The following RFTN1 variants were observed in gnomAD, a reference collection of about 807,000 sequenced individuals.
RFTN1 encodes the protein raftlin.
In RFTN1, 26 loss-of-function variants were observed where a neutral mutation model predicts 46.5. The ratio of observed to expected loss-of-function variants is 0.56; its 90% confidence interval spans 0.41 to 0.78. The LOEUF is 0.78. Ranked by LOEUF, RFTN1 falls within the 30% of genes least tolerant of loss-of-function variation. RFTN1 has a pLI of 0.00. For synonymous variants in RFTN1, 261 were observed against 284.2 expected (o/e 0.92, Z 0.82); for missense variants, 693 against 718.7 (o/e 0.96, Z 0.41).
intron 1 of RFTN1, 149 bp from the exon 2 acceptor site, chr3:16,494,026 C>T: frequency 2.3e-6 from 2 of 856,664 alleles, no homozygotes; most frequent in Admixed American, 5.2e-5. Context: ...TAATATAGGA[C>T]CTGAACACAG....
chr3:16,372,396 C>G (rs924853102), intron 5 of RFTN1, among the ~76,000 whole-genome samples: 1 of 152,144 alleles, frequency 6.6e-6, no homozygotes. Context: ...GGCCCATTCC[C>G]GAGAATGGCT....
chr3:16,416,304 AT>A (rs1251885379), intron 3 of RFTN1: 2 of 416,488 alleles, frequency 4.8e-6, no homozygotes, highest in African/African-American at 4.1e-5. Flanking sequence ...AGTGGTTCTG[AT>A]TGCTGGAGGC....
Position 16,428,829 on chromosome 3 carries a change from C to A in RFTN1, c.332+5022G>T, listed in dbSNP as rs574787618. On this transcript the variant is annotated intron_variant, in intron 3 of 9. Coordinates refer to ENST00000334133, the MANE Select transcript of RFTN1 (RefSeq NM_015150.2). This position sits in a 1 kb window ranked among gnomAD's most constrained non-coding sequence, Gnocchi z 4.7. ...CACACTCATGAAACATCAGAAGTGACGTTTTAATAACTGACTTCTGTTAGC... is the reference window on the plus strand; with the variant it reads ...CACACTCATGAAACATCAGAAGTGAAGTTTTAATAACTGACTTCTGTTAGC... Among the ~76,000 whole-genome samples, 1 of 152,088 alleles carries A rather than the reference C, an allele frequency of 6.6e-6. No homozygotes were observed. The highest frequency in any genetic ancestry group is 1.5e-5 in the Non-Finnish European group (1 of 68,012).
chr3:16,369,893 AGAGCACAG>A (rs2073422888), intron 6 of RFTN1, among the ~76,000 whole-genome samples, 175 bp downstream of exon 6: 1 of 152,222 alleles, frequency 6.6e-6, no homozygotes, highest in Non-Finnish European at 1.5e-5. Flanking sequence ...AGAGGTTTTG[AGAGCACAG>A]GCCCTGGGCT....
rs993264620 is a variant in RFTN1, at chr3:16,422,795, G to A, written c.332+11056C>T. Among the ~76,000 whole-genome samples the A allele has an allele frequency of 6.6e-6, 1 of 152,136 alleles. No individual in the cohort carries two copies. Among genetic ancestry groups the A allele is most frequent in the Non-Finnish European group, 1.5e-5 (1 of 68,030 alleles). On this transcript the variant is annotated intron_variant, in intron 3 of 9. Coordinates refer to ENST00000334133, the MANE Select transcript of RFTN1 (RefSeq NM_015150.2). This position sits in a 1 kb window ranked among gnomAD's most constrained non-coding sequence, Gnocchi z 4.6. ...TATAGAAATCCTAACTATAATAAAG[G>A]TGGCATTTATTCAATGGCAAAGTTA... is the stretch of plus-strand genomic sequence containing the variant.
Position 16,334,717 on chromosome 3 carries a change from A to T in RFTN1, c.1147-7841T>A, listed in dbSNP as rs1370572150. Among the ~76,000 whole-genome samples, 1 of 152,216 alleles carries T rather than the reference A, an allele frequency of 6.6e-6. No homozygotes were observed. Among genetic ancestry groups the T allele is most frequent in the Non-Finnish European group, 1.5e-5 (1 of 68,024 alleles). On this transcript the variant is annotated intron_variant, in intron 7 of 9. Coordinates refer to ENST00000334133, the MANE Select transcript of RFTN1 (RefSeq NM_015150.2). The surrounding 1 kb of genome is among the most constrained non-coding windows in gnomAD (Gnocchi z 4.3). ...GAAACAGCCTGTGGTAGACAGAATA[A>T]TGGCCCCAAAGATGTCTACAGCCTA...
intron 6 of RFTN1, among the ~76,000 whole-genome samples, chr3:16,366,861 C>T (rs1295081900): frequency 2.0e-5 from 3 of 152,192 alleles, no homozygotes; most frequent in African/African-American, 7.2e-5. Flanking sequence ...TTGCCAGAGC[C>T]CACGGGCAGA....
intron 1 of RFTN1, among the ~76,000 whole-genome samples, chr3:16,497,033 T>A (rs2076636648): frequency 6.6e-6 from 1 of 152,134 alleles, no homozygotes; most frequent in Non-Finnish European, 1.5e-5. Flanking sequence ...GCAACACTCA[T>A]CTCCAGTGTT....
At position 16,489,789 on chromosome 3, in the gene RFTN1, T is replaced by A. The variant is rs1276766742; in HGVS notation, c.145+3936A>T. Reference sequence around the variant, plus strand: ...CGTGTGTAGTGGTGCATGCTTGGAATCCCAGATACTCAAGAGGCTGAGGCA... The same window carrying A: ...CGTGTGTAGTGGTGCATGCTTGGAAACCCAGATACTCAAGAGGCTGAGGCA... On this transcript the variant is annotated intron_variant, in intron 2 of 9. Coordinates refer to ENST00000334133, the MANE Select transcript of RFTN1 (RefSeq NM_015150.2). This position sits in a 1 kb window ranked among gnomAD's most constrained non-coding sequence, Gnocchi z 4.0. 6.6e-6 allele frequency among the ~76,000 whole-genome samples: 1 copy of A among 151,932 alleles called. No individual in the cohort carries two copies. The highest frequency in any genetic ancestry group is 1.5e-5 in the Non-Finnish European group (1 of 67,998).
chr3:16,477,074 T>C (rs577170397), intron 2 of RFTN1, among the ~76,000 whole-genome samples: 1 of 152,370 alleles, frequency 6.6e-6, no homozygotes, highest in African/African-American at 2.4e-5. Context: ...AAATGGCAAC[T>C]ATTACACTAT....
chr3:16,433,210 G>C lies in RFTN1; in HGVS notation c.332+641C>G, dbSNP rs1340659163. 6.7e-6 allele frequency among the ~76,000 whole-genome samples: 1 copy of C among 148,254 alleles called. No homozygotes were observed. ...TAAAAAAATTAATATTGTTCCTTTT[G>C]AAAGACTAACCCCACTTCTCTTTTC... On this transcript the variant is annotated intron_variant, in intron 3 of 9. Coordinates refer to ENST00000334133, the MANE Select transcript of RFTN1 (RefSeq NM_015150.2). This position sits in a 1 kb window ranked among gnomAD's most constrained non-coding sequence, Gnocchi z 4.4.
chr3:16,490,538 C>G (rs1162203279), intron 2 of RFTN1, among the ~76,000 whole-genome samples: 1 of 152,162 alleles, frequency 6.6e-6, no homozygotes, highest in Non-Finnish European at 1.5e-5. Context: ...CCAGGGGAAC[C>G]CCCTAAAGAG....
At chr3:16,478,219 C>T (rs535712219) in intron 2 of RFTN1, among the ~76,000 whole-genome samples, 2 of 152,266 alleles carry the variant, frequency 1.3e-5, no homozygotes, top group Admixed American at 1.3e-4. Context: ...TAATGTGACC[C>T]CTTTGTTATA....
chr3:16,416,074 G>T (rs561753228), intron 3 of RFTN1: 3 of 275,866 alleles, frequency 1.1e-5, no homozygotes, highest in Non-Finnish European at 2.2e-5. Flanking sequence ...ACTAAAAAGA[G>T]CTCTGACCCA....
At chr3:16,454,807 G>C (rs2075877638) in intron 2 of RFTN1, 1 of 984,978 alleles carries the variant, frequency 1.0e-6, no homozygotes, top group African/African-American at 1.7e-5. Flanking sequence ...GTCTCCCAGG[G>C]AAGGCAGGGA....
At chr3:16,369,265 C>T (rs1575154814) in intron 6 of RFTN1, among the ~76,000 whole-genome samples, 2 of 152,234 alleles carry the variant, frequency 1.3e-5, no homozygotes, top group South Asian at 4.1e-4. Flanking sequence ...AACAGCTCAA[C>T]AACAACACAC....
chr3:16,493,578 C>T (rs1029739237), intron 2 of RFTN1, 147 bp downstream of exon 2: 1 of 753,156 alleles, frequency 1.3e-6, no homozygotes, highest in Non-Finnish European at 2.1e-6. Context: ...ATCTGGATCT[C>T]TGTAAGCCGC....
At chr3:16,354,254 G>A (rs1449500989) in intron 7 of RFTN1, among the ~76,000 whole-genome samples, 2 of 152,178 alleles carry the variant, frequency 1.3e-5, no homozygotes, top group African/African-American at 4.8e-5. Context: ...CAGAGGAGGG[G>A]TCTTTCACCC....
intron 3 of RFTN1, among the ~76,000 whole-genome samples, chr3:16,423,460 G>A (rs2075231391): frequency 1.3e-5 from 2 of 152,190 alleles, no homozygotes; most frequent in Admixed American, 6.5e-5. Context: ...AACAATTAAA[G>A]AGGAATGCTA....
Sources: gnomAD v4.1 joint callset for allele counts (sites outside exome capture counted in the v4.1 genomes callset) on GRCh38, gnomAD v4.1.1 for gene constraint, Gnocchi (gnomAD v3.1) non-coding constraint, MANE v1.5 for transcripts, NCBI Gene and HGNC (gene_info 2026-07-23, HGNC 2026-07-21) for gene names.